BAHCC1: variants seen among roughly 807,000 people sequenced by gnomAD.
The protein encoded by BAHCC1 is BAH and coiled-coil domain-containing protein 1.
Under a neutral mutation model 88.2 loss-of-function variants are expected in BAHCC1, and 43 were observed. The observed-to-expected ratio is 0.49, with a 90% CI of 0.38 to 0.63. The LOEUF is 0.63. Ranked by LOEUF, BAHCC1 falls within the 20% of genes least tolerant of loss-of-function variation. The pLI is 0.00. For missense variants in BAHCC1, 3,023 were observed against 1,654.8 expected (o/e 1.83, Z -14.34); for synonymous variants, 1,510 against 745.5 (o/e 2.03, Z -16.71).
chr17:81,413,794 A>T (rs2063985609), intron 2 of BAHCC1, among the ~76,000 whole-genome samples: 1 of 152,218 alleles, frequency 6.6e-6, no homozygotes, highest in Non-Finnish European at 1.5e-5. Context: ...TTCGTGTACC[A>T]GCCGGGTTAA....
intron 2 of BAHCC1, among the ~76,000 whole-genome samples, chr17:81,419,483 C>T (rs1040387480): frequency 3.9e-5 from 6 of 152,222 alleles, no homozygotes; most frequent in African/African-American, 7.2e-5. Flanking sequence ...GAGCCTGGCT[C>T]GTGGGAAGTG....
intron 2 of BAHCC1, chr17:81,406,968 G>A (rs1054949414): frequency 1.8e-5 from 8 of 456,198 alleles, no homozygotes; most frequent in African/African-American, 1.2e-4. Context: ...CTGCTGTGGC[G>A]AGGAAGGGAG....
chr17:81,418,788 CGT>C (rs1393659232), intron 2 of BAHCC1, among the ~76,000 whole-genome samples: 16 of 4,276 alleles, frequency 3.7e-3, no homozygotes, highest in African/African-American at 8.3e-3. Flanking sequence ...TGTGTGTGTA[CGT>C]GTGTGCGTGT....
At chr17:81,409,567 T>G (rs2063923268) in intron 2 of BAHCC1, among the ~76,000 whole-genome samples, 1 of 151,858 alleles carries the variant, frequency 6.6e-6, no homozygotes, top group Admixed American at 6.5e-5. Context: ...GTCGCGGGGG[T>G]GCAGCTAGGA....
rs2064493933 is a variant in BAHCC1 at position 81,444,878 on chromosome 17, G to T, written c.2671+52G>T. On this transcript the variant is annotated intron_variant, in intron 8 of 27. Transcript: ENST00000675386. ...TACTTGGGGGGTGCTGTTGGAAGGA[G>T]GGGCAGCCGGGGGTGTGCTGGCCAG... 4.1e-6 allele frequency: 3 copies of T among 724,428 alleles called. No individual in the cohort carries two copies. The South Asian group carries it at 4.4e-5, about 11-fold the overall frequency. 44.9% of individuals were successfully genotyped at this position (724,428 alleles called of 1,614,324 possible).
At chr17:81,406,852 C>A (rs1485241186) in intron 2 of BAHCC1, 1 of 455,904 alleles carries the variant, frequency 2.2e-6, no homozygotes, top group East Asian at 6.9e-5. Flanking sequence ...GGTGGGGAGG[C>A]GTCCAGCGCC....
Position 81,425,164 on chromosome 17 carries a change from G to T in BAHCC1, c.179-1636G>T, listed in dbSNP as rs566676756. ...GTGGTTGGGGGTGATGGTGGGTGTTGTGGTTGGTGGTGATAGTGGTGGGTG... is the reference window on the plus strand; with the variant it reads ...GTGGTTGGGGGTGATGGTGGGTGTTTTGGTTGGTGGTGATAGTGGTGGGTG... On this transcript the variant is annotated intron_variant, in intron 2 of 27. Coordinates refer to ENST00000675386, the MANE Select transcript of BAHCC1 (RefSeq NM_001377448.1). 1.7e-3 allele frequency among the ~76,000 whole-genome samples: 226 copies of T among 134,110 alleles called. 2 individuals carry two copies. Among genetic ancestry groups the T allele is most frequent in the Non-Finnish European group, 2.6e-3 (161 of 62,962 alleles). 88.0% of individuals were successfully genotyped at this position (134,110 alleles called of 152,430 possible).
chr17:81,432,932 T>C (rs1202281211), intron 3 of BAHCC1, among the ~76,000 whole-genome samples: 17 of 97,768 alleles, frequency 1.7e-4, no homozygotes, highest in African/African-American at 6.2e-4. Flanking sequence ...CCAGGAAGGC[T>C]GCGCTCCTCC....
chr17:81,400,754 C>T (rs1477339236), intron 2 of BAHCC1: 1 of 154,000 alleles, frequency 6.5e-6, no homozygotes, highest in African/African-American at 2.4e-5. Flanking sequence ...CTCTGACTCC[C>T]TGCCCGAGAG....
intron 2 of BAHCC1, among the ~76,000 whole-genome samples, chr17:81,415,292 T>G (rs1555648432): frequency 6.6e-6 from 1 of 152,216 alleles, no homozygotes; most frequent in Admixed American, 6.5e-5. Context: ...CTCAGCCTCT[T>G]GGGGTCGCAG....
At position 81,460,389 on chromosome 17, in the gene BAHCC1, G is replaced by A. The variant is rs1243520589; in HGVS notation, c.6018G>A (p.Lys2006=). 3.9e-6 allele frequency: 3 copies of A among 763,938 alleles called. No homozygotes were observed. Among genetic ancestry groups the A allele is most frequent in the African/African-American group, 3.4e-5 (2 of 58,754 alleles). The allele number at this position is 763,938 out of a possible 1,614,324, so 47.3% of individuals were successfully genotyped here. ...SNVRLLPPDF[K]IQCTEPSPAL... Reference sequence around the variant, plus strand: ...TCAGGCTGCTGCCCCCTGACTTCAAGATCCAGTGTGAGCCTGGGAGCTGCA... The same window carrying A: ...TCAGGCTGCTGCCCCCTGACTTCAAAATCCAGTGTGAGCCTGGGAGCTGCA... Residue 2006 remains lysine, a synonymous_variant, in exon 24 of 28, where the codon AAG becomes AAA. Coordinates refer to ENST00000675386, the MANE Select transcript of BAHCC1 (RefSeq NM_001377448.1).
At chr17:81,449,105 A>G (rs961672626) in intron 11 of BAHCC1, among the ~76,000 whole-genome samples, 1 of 152,166 alleles carries the variant, frequency 6.6e-6, no homozygotes, top group Non-Finnish European at 1.5e-5. Flanking sequence ...GAGCCCGTTC[A>G]CTGCATGAAT....
At position 81,444,581 on chromosome 17, in the gene BAHCC1, A is replaced by G; in HGVS notation, c.2512+13A>G. 1 of 735,552 alleles carries G rather than the reference A, an allele frequency of 1.4e-6. No individual in the cohort carries two copies. The highest frequency in any genetic ancestry group is 2.5e-6 in the Non-Finnish European group (1 of 401,458). 45.6% of individuals were successfully genotyped at this position (735,552 alleles called of 1,614,324 possible). On this transcript the variant is annotated intron_variant, in intron 7 of 27. Coordinates refer to ENST00000675386, the MANE Select transcript of BAHCC1 (RefSeq NM_001377448.1). Reference sequence around the variant, plus strand: ...GGGCACTCCTACGGTCAGTGATCCAAGGGCGGGGGCTGGCCTGGGGCTGAT... The same window carrying G: ...GGGCACTCCTACGGTCAGTGATCCAGGGGCGGGGGCTGGCCTGGGGCTGAT...
chr17:81,463,217 C>G (rs1182156810), intron 27 of BAHCC1, among the ~76,000 whole-genome samples: 1 of 152,172 alleles, frequency 6.6e-6, no homozygotes, highest in Non-Finnish European at 1.5e-5. Context: ...TCCGGCAGGT[C>G]TAGTTCACTC....
intron 2 of BAHCC1, among the ~76,000 whole-genome samples, chr17:81,412,266 T>A (rs1319951679): frequency 2.0e-5 from 3 of 152,286 alleles, no homozygotes; most frequent in Non-Finnish European, 4.4e-5. Context: ...CTGAGAGTTT[T>A]CATATCCCTT....
chr17:81,396,286 T>A (rs1251325295), intron 1 of BAHCC1: 5 of 152,018 alleles, frequency 3.3e-5, no homozygotes, highest in African/African-American at 1.2e-4. Flanking sequence ...ATTCAGAATT[T>A]TTTTTTTCCG....
Position 81,456,462 on chromosome 17 carries a change from C to G in BAHCC1, c.4735C>G (p.Leu1579Val). Residue 1579 changes from leucine to valine, a missense_variant, in exon 16 of 28, where the codon CTG becomes GTG. Transcript: ENST00000675386. ...ATPGGRIREK[L>V]SRAKSAKVSG... ...CCCCGGGGGGCGCATCCGGGAGAAGCTGTCCCGAGCCAAGAGTGCCAAGGT... is the reference window on the plus strand; with the variant it reads ...CCCCGGGGGGCGCATCCGGGAGAAGGTGTCCCGAGCCAAGAGTGCCAAGGT... 2 of 721,828 alleles carry G rather than the reference C, an allele frequency of 2.8e-6. No homozygotes were observed. Among genetic ancestry groups the G allele is most frequent in the Non-Finnish European group, 5.2e-6 (2 of 387,790 alleles). The allele number at this position is 721,828 out of a possible 1,614,324, so 44.7% of individuals were successfully genotyped here.
At chr17:81,444,301 C>A (rs2064479732) in intron 6 of BAHCC1, 80 bp from the exon 7 acceptor site, 1 of 681,038 alleles carries the variant, frequency 1.5e-6, no homozygotes, top group African/African-American at 1.8e-5. Context: ...CCAGGTCTTA[C>A]AGAGACAACA....
rs782703602 is a variant in BAHCC1, at chr17:81,463,724, C to G, written c.7734C>G (p.Cys2578Trp). The G allele has an allele frequency of 1.3e-6, 1 of 779,326 alleles. No homozygotes were observed. The highest frequency in any genetic ancestry group is 1.3e-5 in the South Asian group (1 of 74,598). The allele number at this position is 779,326 out of a possible 1,614,324, so 48.3% of individuals were successfully genotyped here. Residue 2578 changes from cysteine (C) to tryptophan (W), a missense_variant, in exon 28 of 28, where the codon TGC becomes TGG. By Grantham distance (215) the Cys-to-Trp change is radical. Coordinates refer to ENST00000675386, the MANE Select transcript of BAHCC1 (RefSeq NM_001377448.1). Reference protein sequence around the residue: ...QYEQMARSRKCQDRQDLYYLA... With the variant: ...QYEQMARSRKWQDRQDLYYLA... ...AGCAGATGGCCCGGAGCCGCAAGTG[C>G]CAGGACCGGCAGGACCTCTACTACC...
Sources: gnomAD v4.1 joint callset for allele counts (sites outside exome capture counted in the v4.1 genomes callset) on GRCh38, gnomAD v4.1.1 for gene constraint, MANE v1.5 for transcripts, NCBI Gene and HGNC (gene_info 2026-07-23, HGNC 2026-07-21) for gene names.